Variants in SLC22A23 observed in about 807,000 individuals in gnomAD.
SLC22A23 encodes ion transporter protein.
Under a neutral mutation model 61.0 loss-of-function variants are expected in SLC22A23, and 26 were observed. The ratio of observed to expected loss-of-function variants is 0.43; its 90% CI spans 0.31 to 0.59. The LOEUF (loss-of-function observed/expected upper bound fraction) is 0.59, where lower values mean the gene tolerates loss of function less well. Among genes scored for constraint, SLC22A23 ranks in the 20% least tolerant of loss-of-function variants. The pLI, the probability that SLC22A23 is intolerant of heterozygous loss-of-function variation, is 0.11. For missense variants in SLC22A23, 796 were observed against 934.7 expected (o/e 0.85, Z 1.94); for synonymous variants, 430 against 413.9 (o/e 1.04, Z -0.47).
chr6:3,447,047 G>A (rs921202270), intron 1 of SLC22A23, among the ~76,000 whole-genome samples: 5 of 152,072 alleles, frequency 3.3e-5, no homozygotes, highest in Non-Finnish European at 5.9e-5. Flanking sequence ...TCAAAAATAC[G>A]AACTCTGACT....
rs60880355 is a variant in SLC22A23, at chr6:3,414,721, C to CAAAAAAAAAAAAAAAAAAAA, written c.758+1011_758+1030dup. On this transcript the variant is annotated intron_variant, in intron 2 of 9. Transcript: ENST00000406686. This position sits in a 1 kb window ranked among gnomAD's most constrained non-coding sequence, Gnocchi z 5.1. ...TCAAGGCCAAGATGTCTCGATTCAC[C>CAAAAAAAAAAAAAAAAAAAA]AAAAAAAAAAAAAAAAAAAAAAATC... Among the ~76,000 whole-genome samples, 1 of 89,538 alleles carries CAAAAAAAAAAAAAAAAAAAA rather than the reference C, an allele frequency of 1.1e-5. No individual in the cohort carries two copies. Among genetic ancestry groups the CAAAAAAAAAAAAAAAAAAAA allele is most frequent in the African/African-American group, 4.4e-5 (1 of 22,816 alleles). 58.7% of individuals were successfully genotyped at this position (89,538 alleles called of 152,430 possible).
At chr6:3,312,694 C>G (rs903148323) in intron 4 of SLC22A23, 2 of 152,326 alleles carry the variant, frequency 1.3e-5, no homozygotes, top group Non-Finnish European at 2.9e-5. Flanking sequence ...ATTCCAACCA[C>G]CATGTGGATG....
Position 3,390,045 on chromosome 6 carries a change from G to T in SLC22A23, c.913+20143C>A, listed in dbSNP as rs1466235207. ...GCATTTCAAAAAAAGGCCTGGTTTG[G>T]GATGAAATGAACAGAGTTCTCCTGG... On this transcript the variant is annotated intron_variant, in intron 3 of 9. Coordinates refer to ENST00000406686, the MANE Select transcript of SLC22A23 (RefSeq NM_015482.2). The surrounding 1 kb of genome is among the most constrained non-coding windows in gnomAD (Gnocchi z 4.0). Among the ~76,000 whole-genome samples, 3 of 152,184 alleles carry T rather than the reference G, an allele frequency of 2.0e-5. No individual in the cohort carries two copies. The highest frequency in any genetic ancestry group is 7.2e-5 in the African/African-American group (3 of 41,450).
chr6:3,386,024 T>C lies in SLC22A23; in HGVS notation c.913+24164A>G, dbSNP rs958608929. On this transcript the variant is annotated intron_variant, in intron 3 of 9. Transcript: ENST00000406686. The surrounding 1 kb of genome is among the most constrained non-coding windows in gnomAD (Gnocchi z 4.4). ...CATTTGAGCAGGACGCTGCCAGATG[T>C]GACACATCTCACTCTAAATGATGCG... Among the ~76,000 whole-genome samples, 1 of 152,210 alleles carries C rather than the reference T, an allele frequency of 6.6e-6. No individual in the cohort carries two copies. Among genetic ancestry groups the C allele is most frequent in the Non-Finnish European group, 1.5e-5 (1 of 68,042 alleles).
Position 3,342,309 on chromosome 6 carries a change from C to G in SLC22A23, c.914-18307G>C, listed in dbSNP as rs1432850840. ...TTTCAAAAAGTCATTGGGTGGCCAACAAATTGAGATAAAACAAAATTTAAA... is the reference window on the plus strand; with the variant it reads ...TTTCAAAAAGTCATTGGGTGGCCAAGAAATTGAGATAAAACAAAATTTAAA... On this transcript the variant is annotated intron_variant, in intron 3 of 9. Coordinates refer to ENST00000406686, the MANE Select transcript of SLC22A23 (RefSeq NM_015482.2). This position sits in a 1 kb window ranked among gnomAD's most constrained non-coding sequence, Gnocchi z 4.0. 6.6e-6 allele frequency among the ~76,000 whole-genome samples: 1 copy of G among 152,154 alleles called. No homozygotes were observed. The highest frequency in any genetic ancestry group is 1.5e-5 in the Non-Finnish European group (1 of 68,020).
chr6:3,316,990 C>T (rs1041056339), intron 4 of SLC22A23, among the ~76,000 whole-genome samples: 3 of 152,106 alleles, frequency 2.0e-5, no homozygotes, highest in South Asian at 2.1e-4. Context: ...ATGGCATGCA[C>T]CAACGTTTTG....
chr6:3,415,562 C>T (rs940319026), intron 2 of SLC22A23, among the ~76,000 whole-genome samples, 190 bp downstream of exon 2: 1 of 152,222 alleles, frequency 6.6e-6, no homozygotes, highest in African/African-American at 2.4e-5. Flanking sequence ...TAAATTCACA[C>T]TTCCAAATGA....
intron 5 of SLC22A23, among the ~76,000 whole-genome samples, chr6:3,293,204 T>C (rs1202560616): frequency 1.1e-4 from 16 of 151,798 alleles, no homozygotes; most frequent in Admixed American, 1.0e-3. Context: ...ACATCAGTTA[T>C]AGAGACGGAA....
At chr6:3,347,493 T>A (rs542058364) in intron 3 of SLC22A23, among the ~76,000 whole-genome samples, 1 of 151,820 alleles carries the variant, frequency 6.6e-6, no homozygotes, top group Admixed American at 6.6e-5. Context: ...AGTCATTCCT[T>A]CCCCTGGGTA....
rs1473535703 is a variant in SLC22A23 at position 3,360,803 on chromosome 6, C to T, written c.914-36801G>A. 6.6e-6 allele frequency among the ~76,000 whole-genome samples: 1 copy of T among 152,214 alleles called. No individual in the cohort carries two copies. Among genetic ancestry groups the T allele is most frequent in the Non-Finnish European group, 1.5e-5 (1 of 68,040 alleles). ...GGCCCCTCTGATGGAGACCTGCGTTCGGCCAGGCAGGCCCACAGCTGGCGT... is the reference window on the plus strand; with the variant it reads ...GGCCCCTCTGATGGAGACCTGCGTTTGGCCAGGCAGGCCCACAGCTGGCGT... On this transcript the variant is annotated intron_variant, in intron 3 of 9. Coordinates refer to ENST00000406686, the MANE Select transcript of SLC22A23 (RefSeq NM_015482.2). This position sits in a 1 kb window ranked among gnomAD's most constrained non-coding sequence, Gnocchi z 4.6.
At chr6:3,331,511 G>A (rs1355401223) in intron 3 of SLC22A23, among the ~76,000 whole-genome samples, 2 of 152,206 alleles carry the variant, frequency 1.3e-5, no homozygotes, top group East Asian at 3.8e-4. Context: ...ACTCATCAAA[G>A]TCCACATCAT....
At chr6:3,362,021 C>T (rs1347225792) in intron 3 of SLC22A23, among the ~76,000 whole-genome samples, 1 of 152,140 alleles carries the variant, frequency 6.6e-6, no homozygotes, top group East Asian at 1.9e-4. Context: ...TTCTATACAC[C>T]TTCCCTTCAG....
chr6:3,295,912 C>T lies in SLC22A23; in HGVS notation c.1210+2179G>A, dbSNP rs1761046712. On this transcript the variant is annotated intron_variant, in intron 5 of 9. Transcript: ENST00000406686. ...TGTCACCAACTGCCTCTCACCCAGCCTCCTGCCTGGGACTCTGGAAAGGAA... is the reference window on the plus strand; with the variant it reads ...TGTCACCAACTGCCTCTCACCCAGCTTCCTGCCTGGGACTCTGGAAAGGAA... Among the ~76,000 whole-genome samples, 4 of 152,302 alleles carry T rather than the reference C, an allele frequency of 2.6e-5. No homozygotes were observed. The South Asian group carries it at 8.3e-4, about 32-fold the overall frequency.
intron 4 of SLC22A23, chr6:3,312,310 T>C (rs1272267827): frequency 6.6e-6 from 1 of 152,160 alleles, no homozygotes; most frequent in Non-Finnish European, 1.5e-5. Context: ...CATTTATCCG[T>C]AGAAGCAATT....
Position 3,456,049 on chromosome 6 carries a change from G to T in SLC22A23, c.511C>A (p.Arg171=), listed in dbSNP as rs1357030594. The part of the protein sequence containing the change: ...ATAPWEAAGN[R]SNSSGADGGD... ...CCGTCCGCGCCGCTGCTGTTGCTCC[G>T]GTTGCCCGCAGCCTCCCAGGGGGCA... Residue 171 remains arginine, a synonymous_variant, in exon 1 of 10, where the codon CGG becomes AGG. Coordinates refer to ENST00000406686, the MANE Select transcript of SLC22A23 (RefSeq NM_015482.2). The surrounding 1 kb of genome is among the most constrained non-coding windows in gnomAD (Gnocchi z 7.1). 9 of 1,548,424 alleles carry T rather than the reference G, an allele frequency of 5.8e-6. No individual in the cohort carries two copies. In the East Asian group the frequency reaches 2.0e-4, roughly 34 times the overall value.
rs1365762338 is a variant in SLC22A23, at chr6:3,333,719, G to A, written c.914-9717C>T. Among the ~76,000 whole-genome samples the A allele has an allele frequency of 6.6e-6, 1 of 152,180 alleles. No homozygotes were observed. The highest frequency in any genetic ancestry group is 2.4e-5 in the African/African-American group (1 of 41,452). On this transcript the variant is annotated intron_variant, in intron 3 of 9. Transcript: ENST00000406686. The surrounding 1 kb of genome is among the most constrained non-coding windows in gnomAD (Gnocchi z 4.1). ...CACAGAGGAGAGTGCCTCCCCGACAGTGGTTTGCAAGTGTGGCCCCAGACC... is the reference window on the plus strand; with the variant it reads ...CACAGAGGAGAGTGCCTCCCCGACAATGGTTTGCAAGTGTGGCCCCAGACC...
chr6:3,361,137 G>T (rs1581749531), intron 3 of SLC22A23, among the ~76,000 whole-genome samples: 1 of 149,456 alleles, frequency 6.7e-6, no homozygotes, highest in African/African-American at 2.5e-5. Context: ...TTAGATCAGG[G>T]TTTCTCCCCC....
chr6:3,448,790 A>G (rs4246063), intron 1 of SLC22A23, among the ~76,000 whole-genome samples: 123,125 of 151,856 alleles, frequency 0.81, 50,622 homozygotes, highest in African/African-American at 0.94. Context: ...AACCGCGCCC[A>G]GCCCCCACCA....
intron 9 of SLC22A23, among the ~76,000 whole-genome samples, chr6:3,280,651 A>G (rs923555806): frequency 2.1e-4 from 31 of 151,044 alleles, no homozygotes; most frequent in Admixed American, 2.0e-4. Flanking sequence ...GCCCGCCACC[A>G]CGCCCGGCTA....
Sources: allele counts gnomAD v4.1 joint callset (sites outside exome capture counted in the v4.1 genomes callset), GRCh38; gene constraint gnomAD v4.1.1; non-coding constraint Gnocchi (gnomAD v3.1); transcripts MANE v1.5; gene names NCBI Gene and HGNC (gene_info 2026-07-23, HGNC 2026-07-21).